PPP2R2D: variants seen among roughly 807,000 people sequenced by gnomAD.
The protein encoded by PPP2R2D is protein phosphatase 2 regulatory subunit Bdelta.
PPP2R2D carries 9 observed loss-of-function variants against 31.1 expected under a neutral mutation model. That is an observed-to-expected ratio of 0.29 (90% CI 0.17 to 0.51). The LOEUF (loss-of-function observed/expected upper bound fraction) is 0.51, where lower values mean the gene tolerates loss of function less well. Among genes scored for constraint, PPP2R2D ranks in the 20% least tolerant of loss-of-function variants. The probability of loss-of-function intolerance (pLI) is 0.98; values close to 1 mark genes in which losing one functional copy is unlikely to be tolerated. For missense variants in PPP2R2D, 391 were observed against 465.6 expected, an observed-to-expected ratio of 0.84 and a Z score of 1.48; for synonymous variants, 179 against 172.6, an observed-to-expected ratio of 1.04 and a Z score of -0.29.
At chr10:131,917,586 GTGTT>G (rs1460395802) in intron 2 of PPP2R2D, among the ~76,000 whole-genome samples, 13 of 121,230 alleles carry the variant, frequency 1.1e-4, no homozygotes, top group South Asian at 3.1e-4. Context: ...TGGAATGACA[GTGTT>G]TGTAGGGACC....
chr10:131,916,423 A>G (rs1480604328), intron 2 of PPP2R2D, among the ~76,000 whole-genome samples: 1 of 151,400 alleles, frequency 6.6e-6, no homozygotes, highest in Non-Finnish European at 1.5e-5. Flanking sequence ...TCATAAGTGT[A>G]CAGTTGCGTG....
At chr10:131,970,924 A>C in the PPP2R2D span, 1 of 1,614,236 alleles carries the variant, frequency 6.2e-7, no homozygotes. This position sits in a 1 kb window ranked among gnomAD's most constrained non-coding sequence, Gnocchi z 4.1. Context: ...GTTTTTCTTC[A>C]AGATGCTTTC....
chr10:131,933,902 C>T (rs2036289730), intron 2 of PPP2R2D, among the ~76,000 whole-genome samples: 1 of 152,050 alleles, frequency 6.6e-6, no homozygotes, highest in East Asian at 1.9e-4. Flanking sequence ...AGTTGTCTCA[C>T]TTGGTAATGA....
At chr10:131,934,680 G>A in intron 3 of PPP2R2D, 125 bp downstream of exon 3, 2 of 676,830 alleles carry the variant, frequency 3.0e-6, no homozygotes, top group Non-Finnish European at 5.4e-6. Context: ...CATCACATTA[G>A]CCATACAGAA....
chr10:131,970,274 A>G, the PPP2R2D span: 1 of 255,208 alleles, frequency 3.9e-6, no homozygotes, highest in African/African-American at 2.2e-5. The surrounding 1 kb of genome is among the most constrained non-coding windows in gnomAD (Gnocchi z 4.1). Context: ...GAGACCCTCC[A>G]CCTACAGCAG....
chr10:131,970,559 C>T, the PPP2R2D span: 1 of 1,521,070 alleles, frequency 6.6e-7, no homozygotes, highest in Admixed American at 1.9e-5. The surrounding 1 kb of genome is among the most constrained non-coding windows in gnomAD (Gnocchi z 4.1). Context: ...CTTCAGGAAA[C>T]AGGTTACGAA....
chr10:131,962,568 GT>G (rs748245293), downstream of PPP2R2D, among the ~76,000 whole-genome samples: 15 of 152,172 alleles, frequency 9.9e-5, no homozygotes, highest in Non-Finnish European at 2.2e-4. Context: ...TGTCTTGGAC[GT>G]TTCTAACAGG....
chr10:131,940,759 G>A lies in PPP2R2D; in HGVS notation c.477+65G>A. 8.4e-6 allele frequency: 6 copies of A among 712,676 alleles called. No homozygotes were observed. The South Asian group carries it at 9.2e-5, about 11-fold the overall frequency. The allele number at this position is 712,676 out of a possible 1,614,324, so 44.1% of individuals were successfully genotyped here. A position where few individuals can be genotyped will look rare whatever the true frequency, so the allele number is the denominator to read the frequency against. On this transcript the variant is annotated intron_variant, in intron 5 of 8. Transcript: ENST00000455566. ...TTAAGAATAAACGTTTCAGTCTGCT[G>A]TCTGGAGAGTGCTGCGCGGTGGAGT...
intron 2 of PPP2R2D, among the ~76,000 whole-genome samples, chr10:131,924,516 A>G (rs955670481): frequency 2.0e-5 from 3 of 152,070 alleles, no homozygotes; most frequent in East Asian, 1.9e-4. Flanking sequence ...CCTCTGATCC[A>G]TTGGTCTATA....
chr10:131,913,486 C>T (rs1275666811), intron 2 of PPP2R2D, among the ~76,000 whole-genome samples: 2 of 151,868 alleles, frequency 1.3e-5, no homozygotes, highest in Admixed American at 6.6e-5. Flanking sequence ...TTTTGTATTG[C>T]TGTTGCTACT....
intron 2 of PPP2R2D, among the ~76,000 whole-genome samples, chr10:131,918,367 T>G (rs1436915059): frequency 7.3e-6 from 1 of 137,272 alleles, no homozygotes; most frequent in Admixed American, 7.1e-5. Context: ...AATGACACAG[T>G]GTTTGTAGGG....
intron 2 of PPP2R2D, among the ~76,000 whole-genome samples, chr10:131,902,669 A>G (rs1361135542): frequency 2.0e-5 from 3 of 152,194 alleles, no homozygotes; most frequent in Admixed American, 6.5e-5. Flanking sequence ...CTCAAGTGTG[A>G]TTTCTGTCGC....
chr10:131,928,712 A>T (rs781794333), intron 2 of PPP2R2D, among the ~76,000 whole-genome samples: 2 of 152,222 alleles, frequency 1.3e-5, no homozygotes, highest in South Asian at 4.1e-4. Flanking sequence ...CCAGAGAAGT[A>T]GAGAAGTGAA....
At chr10:131,942,163 C>T (rs1466457664) in intron 5 of PPP2R2D, among the ~76,000 whole-genome samples, 1 of 152,184 alleles carries the variant, frequency 6.6e-6, no homozygotes, top group Non-Finnish European at 1.5e-5. Flanking sequence ...CACCCAGTTA[C>T]CTGTGCACAC....
Position 131,945,452 on chromosome 10 carries a change from C to G in PPP2R2D, c.813C>G (p.His271Gln), listed in dbSNP as rs2036520103. 1 of 1,609,302 alleles carries G rather than the reference C, an allele frequency of 6.2e-7. No individual in the cohort carries two copies. Among genetic ancestry groups the G allele is most frequent in the East Asian group, 2.2e-5 (1 of 44,790 alleles). ...DMRSSALCDR[H>Q]SKFFEEPEDP... is the part of the protein sequence containing the mutation. ...GCTCCTCGGCCCTGTGCGACAGACA[C>G]TCCAAGTGTAAGTGCGTCTGTTGTT... Residue 271 changes from histidine (H) to glutamine (Q), a missense_variant, in exon 7 of 9, where the codon CAC becomes CAG. Transcript: ENST00000455566. This position sits in a 1 kb window ranked among gnomAD's most constrained non-coding sequence, Gnocchi z 4.8.
intron 2 of PPP2R2D, among the ~76,000 whole-genome samples, chr10:131,932,781 G>A (rs975321402): frequency 4.0e-5 from 6 of 151,324 alleles, no homozygotes; most frequent in South Asian, 2.1e-4. Context: ...TAATTTAAAC[G>A]TTGTTGGTTT....
intron 2 of PPP2R2D, among the ~76,000 whole-genome samples, chr10:131,919,860 GTGTT>G (rs111439571): frequency 0.24 from 31,626 of 133,736 alleles, 4,268 homozygotes; most frequent in East Asian, 0.39. Context: ...GAATGACACA[GTGTT>G]TGTAGGGACC....
chr10:131,919,826 G>T (rs2035931795), intron 2 of PPP2R2D, among the ~76,000 whole-genome samples: 1 of 140,078 alleles, frequency 7.1e-6, no homozygotes, highest in African/African-American at 2.7e-5. Flanking sequence ...GAGTGACAGT[G>T]TTTGTAGGGA....
intron 2 of PPP2R2D, among the ~76,000 whole-genome samples, chr10:131,928,408 C>T (rs1554895227): frequency 6.6e-6 from 1 of 152,238 alleles, no homozygotes. Flanking sequence ...GAAACTTTCA[C>T]ATCATGTCTG....
Sources: allele counts gnomAD v4.1 joint callset (sites outside exome capture counted in the v4.1 genomes callset), GRCh38; gene constraint gnomAD v4.1.1; non-coding constraint Gnocchi (gnomAD v3.1); transcripts MANE v1.5; gene names NCBI Gene and HGNC (gene_info 2026-07-23, HGNC 2026-07-21).